Variants in ZNF718 observed in about 807,000 individuals in gnomAD.
The protein encoded by ZNF718 is zinc finger protein 718.
Under a neutral mutation model 2.6 loss-of-function variants are expected in ZNF718, and 3 were observed. That is an observed-to-expected ratio of 1.16 (90% confidence interval 0.53 to 3.01). The LOEUF is 3.01. Ranked by LOEUF, ZNF718 falls within the 30% of genes most tolerant of loss-of-function variation. ZNF718 has a pLI of 0.03. For missense variants in ZNF718, 468 were observed against 230.0 expected, an observed-to-expected ratio of 2.03 and a Z score of -6.69; for synonymous variants, 135 against 77.9, an observed-to-expected ratio of 1.73 and a Z score of -3.86.
intron 3 of ZNF718, among the ~76,000 whole-genome samples, chr4:151,641 G>A (rs1389235437): frequency 1.1e-4 from 17 of 151,894 alleles, no homozygotes; most frequent in Non-Finnish European, 2.1e-4. Flanking sequence ...CCATCATGCC[G>A]TACTCATTTT....
chr4:161,603 T>A lies in ZNF718; in HGVS notation c.918T>A (p.Ala306=). The change falls in exon 4 of 4, where the codon GCT becomes GCA. Residue 306 remains alanine, a synonymous_variant. Transcript: ENST00000510175. ...TTAATGAACATAAGAGAATTCATGCTGGAGAGAAACCCTTCTCATGCGAAG... is the reference window on the plus strand; with the variant it reads ...TTAATGAACATAAGAGAATTCATGCAGGAGAGAAACCCTTCTCATGCGAAG... ...SSLNEHKRIH[A]GEKPFSCEEC... The A allele has an allele frequency of 1.3e-6, 1 of 780,742 alleles. No individual in the cohort carries two copies. The highest frequency in any genetic ancestry group is 2.4e-6 in the Non-Finnish European group (1 of 417,962). The allele number at this position is 780,742 out of a possible 1,614,324, so 48.4% of individuals were successfully genotyped here.
At chr4:195,097 GC>G (rs1717766072) in intron 3 of ZNF718, among the ~76,000 whole-genome samples, 2 of 152,282 alleles carry the variant, frequency 1.3e-5, no homozygotes, top group African/African-American at 4.8e-5. Context: ...GAGTCCTAGA[GC>G]TGGGCTGGGT....
chr4:152,133 C>A (rs184054492), intron 3 of ZNF718, among the ~76,000 whole-genome samples: 1 of 148,834 alleles, frequency 6.7e-6, no homozygotes, highest in Non-Finnish European at 1.5e-5. Context: ...AGCCTTAAGG[C>A]GGTTTTTCCC....
At chr4:200,415 T>C (rs1197023868) in intron 3 of ZNF718, among the ~76,000 whole-genome samples, 1 of 152,154 alleles carries the variant, frequency 6.6e-6, no homozygotes, top group Non-Finnish European at 1.5e-5. Context: ...ATTACAGGCA[T>C]GTGCCACCAT....
intron 3 of ZNF718, among the ~76,000 whole-genome samples, chr4:139,482 A>G (rs1553809950): frequency 3.9e-5 from 6 of 152,212 alleles, no homozygotes; most frequent in Non-Finnish European, 8.8e-5. Context: ...TAACTTTGTA[A>G]CTTTATTTCA....
In ZNF718 at chr4:163,857, A is replaced by G. The variant is rs1717016625; in HGVS notation, c.*1735A>G. ...TCATGTTAAATTTTTATTATTTTTTATATTTAAATTTATTTTTAAAAATTT... is the reference window on the plus strand; with the variant it reads ...TCATGTTAAATTTTTATTATTTTTTGTATTTAAATTTATTTTTAAAAATTT... On this transcript the variant is annotated 3_prime_UTR_variant, in exon 4 of 4. Coordinates refer to ENST00000510175, the MANE Select transcript of ZNF718 (RefSeq NM_001039127.6). The G allele has an allele frequency of 6.6e-6, 1 of 151,910 alleles. No homozygotes were observed. Among genetic ancestry groups the G allele is most frequent in the Non-Finnish European group, 1.5e-5 (1 of 67,922 alleles). 9.4% of individuals were successfully genotyped at this position (151,910 alleles called of 1,614,324 possible).
At chr4:159,951 C>CCT (rs1553814529) in intron 3 of ZNF718, among the ~76,000 whole-genome samples, 1 of 152,132 alleles carries the variant, frequency 6.6e-6, no homozygotes, top group Non-Finnish European at 1.5e-5. Context: ...ATTATGGGAG[C>CCT]CTCTCATACA....
At position 183,002 on chromosome 4, in the gene ZNF718, A is replaced by G. The variant is rs147486976; in HGVS notation, c.227-18079A>G. On this transcript the variant is annotated intron_variant and NMD_transcript_variant, in intron 3 of 4. Coordinates refer to the ZNF718 transcript ENST00000642529. ...TTTCTGTGCAGAAGCTCTTTAGTTT[A>G]ATTAGATCTCATTTTTAAATTTTTG... 4.5e-3 allele frequency among the ~76,000 whole-genome samples: 679 copies of G among 152,162 alleles called. 1 individual carries two copies. The highest frequency in any genetic ancestry group is 0.01 in the Middle Eastern group (3 of 294).
rs1715333546 is a variant in ZNF718 at position 130,878 on chromosome 4, G to T, written c.94G>T (p.Val32Leu). The T allele has an allele frequency of 2.4e-5, 9 of 373,322 alleles. 3 individuals carry two copies. The highest frequency in any genetic ancestry group is 3.4e-5 in the Non-Finnish European group (7 of 208,802). 23.1% of individuals were successfully genotyped at this position (373,322 alleles called of 1,614,324 possible). A position where few individuals can be genotyped will look rare whatever the true frequency, so the allele number is the denominator to read the frequency against. ...TTCCCAGCAGAATTTATATAGAGAT[G>T]TGATGTTGGAGAACTACAGAAACCT... is the stretch of plus-strand genomic sequence containing the variant. Reference protein sequence around the residue: ...DTSQQNLYRDVMLENYRNLVS... With the variant: ...DTSQQNLYRDLMLENYRNLVS... Residue 32 changes from valine to leucine, a missense_variant, in exon 2 of 4, where the codon GTG becomes TTG. Transcript: ENST00000510175.
chr4:177,820 C>G (rs1385292336), intron 3 of ZNF718, among the ~76,000 whole-genome samples: 1 of 151,986 alleles, frequency 6.6e-6, no homozygotes, highest in Non-Finnish European at 1.5e-5. Flanking sequence ...CACAGTGCCC[C>G]TAAACTCAAA....
intron 3 of ZNF718, among the ~76,000 whole-genome samples, chr4:137,919 C>G (rs1201546177): frequency 6.6e-6 from 1 of 152,100 alleles, no homozygotes; most frequent in Non-Finnish European, 1.5e-5. Context: ...CCTGTATTTT[C>G]TTCCAAAAAT....
At chr4:168,667 TA>T (rs1354716165), downstream of ZNF718, among the ~76,000 whole-genome samples, 2 of 152,188 alleles carry the variant, frequency 1.3e-5, no homozygotes, top group East Asian at 3.9e-4. Flanking sequence ...TCTCTGATGG[TA>T]GTTTGTATTT....
chr4:141,302 G>C (rs1715802787), intron 3 of ZNF718, among the ~76,000 whole-genome samples: 1 of 152,166 alleles, frequency 6.6e-6, no homozygotes, highest in Non-Finnish European at 1.5e-5. Context: ...AAAAATGTGG[G>C]AAAAGTTTAA....
downstream of ZNF718, among the ~76,000 whole-genome samples, chr4:168,806 C>T (rs544281189): frequency 6.0e-4 from 91 of 152,256 alleles, no homozygotes; most frequent in South Asian, 0.018. Context: ...AAAACCAGCT[C>T]CTGGATTCAT....
rs1716925908 is a variant in ZNF718 at position 162,261 on chromosome 4, G to A, written c.*139G>A. 1 of 515,116 alleles carries A rather than the reference G, an allele frequency of 1.9e-6. No individual in the cohort carries two copies. Among genetic ancestry groups the A allele is most frequent in the East Asian group, 2.9e-5 (1 of 34,318 alleles). 31.9% of individuals were successfully genotyped at this position (515,116 alleles called of 1,614,324 possible). A position where few individuals can be genotyped will look rare whatever the true frequency, so the allele number is the denominator to read the frequency against. On this transcript the variant is annotated 3_prime_UTR_variant, in exon 4 of 4. Coordinates refer to ENST00000510175, the MANE Select transcript of ZNF718 (RefSeq NM_001039127.6). ...AATCTGTTCTAAACATAAGAGAAAT[G>A]GTATTGGTGAGAAGCCATAAAAATA...
chr4:143,481 C>T (rs978270498), intron 3 of ZNF718, among the ~76,000 whole-genome samples: 2 of 152,186 alleles, frequency 1.3e-5, no homozygotes, highest in Non-Finnish European at 2.9e-5. Context: ...CCAGTGTGCA[C>T]GGCCAAGGGG....
intron 3 of ZNF718, chr4:141,944 A>G (rs946035608): frequency 1.2e-5 from 6 of 494,526 alleles, no homozygotes; most frequent in African/African-American, 3.9e-5. Context: ...AAGCTTTACT[A>G]TGCAAGGAGG....
chr4:172,843 C>T (rs570781696), intron 3 of ZNF718, among the ~76,000 whole-genome samples: 3 of 151,984 alleles, frequency 2.0e-5, no homozygotes, highest in South Asian at 4.1e-4. Context: ...ATCACAAGGT[C>T]AAGAGATTGA....
At chr4:172,124 A>G (rs1451433491) in intron 3 of ZNF718, among the ~76,000 whole-genome samples, 2 of 152,210 alleles carry the variant, frequency 1.3e-5, no homozygotes, top group Non-Finnish European at 2.9e-5. Context: ...GCTGTACAAT[A>G]AATTTTCTGA....
Sources: gnomAD v4.1 joint callset for allele counts (sites outside exome capture counted in the v4.1 genomes callset) on GRCh38, gnomAD v4.1.1 for gene constraint, MANE v1.5 for transcripts, NCBI Gene and HGNC (gene_info 2026-07-23, HGNC 2026-07-21) for gene names.